Variants in CACNA1C observed in about 807,000 individuals in gnomAD.
CACNA1C encodes the protein voltage-dependent L-type calcium channel subunit alpha-1C.
Under a neutral mutation model 229.0 loss-of-function variants are expected in CACNA1C, and 30 were observed. The ratio of observed to expected loss-of-function variants is 0.13; its 90% CI spans 0.10 to 0.18. The LOEUF is 0.18. CACNA1C is among the 10% of genes least tolerant of loss of function. The pLI, the probability that CACNA1C is intolerant of heterozygous loss-of-function variation, is 1.00. For missense variants in CACNA1C, 1,658 were observed against 2,845.0 expected, an observed-to-expected ratio of 0.58 and a Z score of 9.49; for synonymous variants, 1,114 against 1,132.5, an observed-to-expected ratio of 0.98 and a Z score of 0.33.
intron 1 of CACNA1C, among the ~76,000 whole-genome samples, chr12:2,047,003 T>C (rs998557869): frequency 1.2e-4 from 19 of 152,358 alleles, no homozygotes; most frequent in Admixed American, 4.6e-4. Context: ...AGCTTTGCTC[T>C]CTGAACCGTG....
intron 1 of CACNA1C, among the ~76,000 whole-genome samples, chr12:2,025,663 T>C (rs1416791320): frequency 6.6e-6 from 1 of 152,172 alleles, no homozygotes; most frequent in Non-Finnish European, 1.5e-5. Context: ...AAGACTCCAA[T>C]AACTCCTCTT....
intron 3 of CACNA1C, among the ~76,000 whole-genome samples, chr12:2,375,649 TC>T (rs1293765490): frequency 6.6e-6 from 1 of 152,246 alleles, no homozygotes; most frequent in Non-Finnish European, 1.5e-5. Flanking sequence ...CTGTCTCTTT[TC>T]TTTATACATC....
At chr12:2,449,841 T>C (rs892824388) in intron 4 of CACNA1C, among the ~76,000 whole-genome samples, 4 of 152,308 alleles carry the variant, frequency 2.6e-5, no homozygotes, top group Admixed American at 2.0e-4. Flanking sequence ...GGGCAGCTCG[T>C]CCGTGAGCAT....
intron 1 of CACNA1C, among the ~76,000 whole-genome samples, chr12:2,006,006 C>A (rs2043346452): frequency 6.6e-6 from 1 of 152,190 alleles, no homozygotes; most frequent in Non-Finnish European, 1.5e-5. Flanking sequence ...ATACTCCAAA[C>A]AAAACACACA....
intron 9 of CACNA1C, among the ~76,000 whole-genome samples, chr12:2,549,131 C>G (rs1412417516): frequency 2.0e-5 from 3 of 152,168 alleles, no homozygotes. Flanking sequence ...TCCCATTGTT[C>G]TGGAAATTCA....
chr12:2,230,949 C>T (rs2064919784), intron 3 of CACNA1C, among the ~76,000 whole-genome samples: 1 of 152,192 alleles, frequency 6.6e-6, no homozygotes, highest in Admixed American at 6.5e-5. Context: ...GGACATTATC[C>T]AAACGCATGC....
chr12:1,989,650 C>T (rs2038836603), intron 1 of CACNA1C, among the ~76,000 whole-genome samples: 1 of 151,646 alleles, frequency 6.6e-6, no homozygotes, highest in African/African-American at 2.4e-5. Context: ...GAGGTGGAGG[C>T]TGCAATAAGC....
intron 3 of CACNA1C, among the ~76,000 whole-genome samples, chr12:2,350,971 A>G (rs1228338970): frequency 6.6e-6 from 1 of 152,238 alleles, no homozygotes; most frequent in East Asian, 1.9e-4. Context: ...CATAAACTCA[A>G]GCCGAAGGCT....
rs2076193277 is a variant in CACNA1C at position 2,608,241 on chromosome 12, A to C, written c.3357-270A>C. 6.6e-6 allele frequency among the ~76,000 whole-genome samples: 1 copy of C among 152,252 alleles called. No homozygotes were observed. The highest frequency in any genetic ancestry group is 6.5e-5 in the Admixed American group (1 of 15,292). The stretch of plus-strand genomic sequence containing the variant: ...ATTTAAATAGCTCTTCACAGTTTCA[A>C]AACACCTTCCTATACATTATTCTAA... On this transcript the variant is annotated intron_variant, in intron 26 of 46. Coordinates refer to ENST00000399655, the MANE Select transcript of CACNA1C (RefSeq NM_000719.7). The surrounding 1 kb of genome is among the most constrained non-coding windows in gnomAD (Gnocchi z 4.2).
At position 2,153,231 on chromosome 12, in the gene CACNA1C, G is replaced by A. The variant is rs187488624; in HGVS notation, c.477+32801G>A. Among the ~76,000 whole-genome samples, 94 of 152,194 alleles carry A rather than the reference G, an allele frequency of 6.2e-4. 1 individual carries two copies. The highest frequency in any genetic ancestry group is 6.8e-3 in the Middle Eastern group (2 of 294). ...CTGAGGAATTGGCCCTTATCCTTGAGGTTAATGAAAGACAACACTCAAGAA... is the reference window on the plus strand; with the variant it reads ...CTGAGGAATTGGCCCTTATCCTTGAAGTTAATGAAAGACAACACTCAAGAA... On this transcript the variant is annotated intron_variant, in intron 3 of 46. Coordinates refer to ENST00000399655, the MANE Select transcript of CACNA1C (RefSeq NM_000719.7).
At chr12:2,241,454 G>A (rs882193) in intron 3 of CACNA1C, among the ~76,000 whole-genome samples, 80,861 of 151,760 alleles carry the variant, frequency 0.53, 22,820 homozygotes, top group Middle Eastern at 0.65. Context: ...GCAGAGGAGA[G>A]CACGCGTGTG....
At chr12:2,680,264 C>A in intron 42 of CACNA1C, 1 of 912,832 alleles carries the variant, frequency 1.1e-6, no homozygotes, top group Non-Finnish European at 1.6e-6. Flanking sequence ...GTAGCACTGG[C>A]CCATTCTGCC....
chr12:1,981,791 A>C (rs573342791), intron 1 of CACNA1C, among the ~76,000 whole-genome samples: 1 of 152,218 alleles, frequency 6.6e-6, no homozygotes. Flanking sequence ...CCAGGGAGGT[A>C]AAGTTCCAGC....
intron 9 of CACNA1C, among the ~76,000 whole-genome samples, chr12:2,530,200 C>A (rs547412353): frequency 6.9e-6 from 1 of 144,206 alleles, no homozygotes; most frequent in African/African-American, 2.7e-5. Flanking sequence ...ATCAGTGAAA[C>A]TGAAGGGAAT....
chr12:2,462,230 C>T (rs569368071), intron 5 of CACNA1C, among the ~76,000 whole-genome samples: 20 of 149,904 alleles, frequency 1.3e-4, no homozygotes, highest in Non-Finnish European at 2.6e-4. Flanking sequence ...GGCCTGCGCA[C>T]CTCCTTGGCC....
chr12:2,591,144 C>A (rs555823440), intron 18 of CACNA1C, among the ~76,000 whole-genome samples: 6 of 152,060 alleles, frequency 3.9e-5, no homozygotes, highest in Non-Finnish European at 5.9e-5. Context: ...TACTGGCCCT[C>A]CAAAAAAGCC....
At chr12:2,110,923 T>TCCCGAAAGGCCATACCTGTCTCA in intron 1 of CACNA1C, among the ~76,000 whole-genome samples, 1 of 64,372 alleles carries the variant, frequency 1.6e-5, no homozygotes, top group Non-Finnish European at 3.6e-5. Context: ...AGGTGGTCAG[T>TCCCGAAAGGCCATACCTGTCTCA]CCCGAGAGGC....
intron 3 of CACNA1C, among the ~76,000 whole-genome samples, chr12:2,433,797 C>T (rs927304731): frequency 6.6e-6 from 1 of 152,190 alleles, no homozygotes; most frequent in Non-Finnish European, 1.5e-5. Context: ...ATGGACCAAG[C>T]CTGATCATTT....
chr12:2,024,135 A>T (rs2046925784), intron 1 of CACNA1C, among the ~76,000 whole-genome samples: 1 of 152,154 alleles, frequency 6.6e-6, no homozygotes, highest in Non-Finnish European at 1.5e-5. Flanking sequence ...ATCAATCCAG[A>T]GATATTTACC....
Sources: gnomAD v4.1 joint callset for allele counts (sites outside exome capture counted in the v4.1 genomes callset) on GRCh38, gnomAD v4.1.1 for gene constraint, Gnocchi (gnomAD v3.1) non-coding constraint, MANE v1.5 for transcripts, NCBI Gene and HGNC (gene_info 2026-07-23, HGNC 2026-07-21) for gene names.